Variants in ASB16 observed in about 807,000 individuals in gnomAD.
ASB16 encodes the protein ankyrin repeat and SOCS box containing 16, also known as ankyrin repeat and SOCS box protein 16.
ASB16 carries 44 observed loss-of-function variants against 39.1 expected under a neutral mutation model. The observed-to-expected ratio is 1.13, with a 90% CI of 0.88 to 1.45. ASB16 has a LOEUF of 1.45. ASB16 is among the 40% of genes most tolerant of loss of function. The pLI is 0.00. For missense variants in ASB16, 698 were observed against 634.5 expected (o/e 1.10, Z -1.07); for synonymous variants, 305 against 286.7 (o/e 1.06, Z -0.64).
chr17:44,172,011 A>T (rs751499509), intron 1 of ASB16, 35 bp from the exon 2 acceptor site: 12 of 1,594,864 alleles, frequency 7.5e-6, no homozygotes, highest in Non-Finnish European at 1.0e-5. Context: ...GCCCTGTCTT[A>T]TACACCACCT....
chr17:44,177,960 C>A, intron 4 of ASB16: 1 of 681,358 alleles, frequency 1.5e-6, no homozygotes, highest in African/African-American at 1.8e-5. Flanking sequence ...CATCTCTTAA[C>A]TTGGTGGGCA....
chr17:44,173,920 G>A (rs1014319748), intron 2 of ASB16, among the ~76,000 whole-genome samples: 5 of 152,086 alleles, frequency 3.3e-5, no homozygotes, highest in African/African-American at 1.2e-4. Context: ...GCCCAGGCTG[G>A]AGTGCAGTGG....
Position 44,178,102 on chromosome 17 carries a change from C to G in ASB16, c.1177-103C>G, listed in dbSNP as rs2054326654. The G allele has an allele frequency of 3.3e-6, 4 of 1,225,910 alleles. No individual in the cohort carries two copies. In the South Asian group the frequency reaches 5.2e-5, roughly 16 times the overall value. 75.9% of individuals were successfully genotyped at this position (1,225,910 alleles called of 1,614,324 possible). The stretch of plus-strand genomic sequence containing the variant: ...TCTGAGTCCTTTGAGACACATGAAA[C>G]ACCCAGGTGGGTGCATGCTGCAAAA... On this transcript the variant is annotated intron_variant, in intron 4 of 4. Coordinates refer to ENST00000293414, the MANE Select transcript of ASB16 (RefSeq NM_080863.5).
intron 1 of ASB16, 51 bp downstream of exon 1, chr17:44,171,141 G>C (rs1248464322): frequency 1.3e-6 from 2 of 1,554,880 alleles, no homozygotes; most frequent in African/African-American, 2.7e-5. Context: ...AAGGGGAGTG[G>C]GTGGGGAAGG....
chr17:44,176,542 A>C, intron 2 of ASB16, 196 bp from the exon 3 acceptor site: 1 of 802,874 alleles, frequency 1.2e-6, no homozygotes, highest in Non-Finnish European at 2.1e-6. Flanking sequence ...TTTTCATATG[A>C]AAACTGAAGA....
intron 2 of ASB16, among the ~76,000 whole-genome samples, chr17:44,174,165 G>C (rs992732989): frequency 1.3e-5 from 2 of 149,542 alleles, no homozygotes; most frequent in Non-Finnish European, 3.0e-5. Context: ...TGAGCCTCCC[G>C]AGTAACTGGG....
intron 4 of ASB16, 81 bp downstream of exon 4, chr17:44,177,803 C>T (rs932920287): frequency 7.1e-6 from 11 of 1,550,914 alleles, no homozygotes; most frequent in Middle Eastern, 1.7e-4. Flanking sequence ...ATGGAGGGAG[C>T]AGCAGGAGGG....
Position 44,172,115 on chromosome 17 carries a change from C to T in ASB16, c.371C>T (p.Thr124Ile). 3 of 1,611,722 alleles carry T rather than the reference C, an allele frequency of 1.9e-6. No homozygotes were observed. The highest frequency in any genetic ancestry group is 2.5e-6 in the Non-Finnish European group (3 of 1,180,004). Residue 124 changes from threonine (T) to isoleucine (I), a missense_variant, in exon 2 of 5, where the codon ACA becomes ATA. Transcript: ENST00000293414. ...GCCATCGCTACAGCCCGAGGCTACACAGACTGTGCTCGACACCTGATCCGG... is the reference window on the plus strand; with the variant it reads ...GCCATCGCTACAGCCCGAGGCTACATAGACTGTGCTCGACACCTGATCCGG... ...PLAIATARGY[T>I]DCARHLIRQG...
In ASB16 at chr17:44,178,560, C is replaced by A; in HGVS notation, c.*170C>A. 1.4e-6 allele frequency: 1 copy of A among 710,040 alleles called. No homozygotes were observed. The highest frequency in any genetic ancestry group is 2.3e-6 in the Non-Finnish European group (1 of 440,134). 44.0% of individuals were successfully genotyped at this position (710,040 alleles called of 1,614,324 possible). On this transcript the variant is annotated 3_prime_UTR_variant, in exon 5 of 5. Coordinates refer to ENST00000293414, the MANE Select transcript of ASB16 (RefSeq NM_080863.5). ...CTATCTCGGCTCACTGCAACTTCTA[C>A]CACCTAGGTTCAAGCGATTCTTGTG...
chr17:44,176,655 G>C (rs1310793905), intron 2 of ASB16, 83 bp from the exon 3 acceptor site: 2 of 1,604,086 alleles, frequency 1.2e-6, no homozygotes, highest in Non-Finnish European at 1.7e-6. Context: ...GAGAGGGGTG[G>C]AAAGGCAAGG....
intron 2 of ASB16, among the ~76,000 whole-genome samples, chr17:44,173,083 T>TAAA (rs770273961): frequency 2.8e-4 from 22 of 77,584 alleles, no homozygotes; most frequent in African/African-American, 7.8e-4. Context: ...GAGACTGTCT[T>TAAA]AAAAAAAAAA....
In ASB16 at chr17:44,177,017, G is replaced by C. The variant is rs569033296; in HGVS notation, c.849G>C (p.Lys283Asn). 6.7e-7 allele frequency: 1 copy of C among 1,490,722 alleles called. No homozygotes were observed. Among genetic ancestry groups the C allele is most frequent in the Non-Finnish European group, 8.8e-7 (1 of 1,132,880 alleles). The allele number at this position is 1,490,722 out of a possible 1,614,324, so 92.3% of individuals were successfully genotyped here. ...AGADARAAGRKRHTPLHNACA... is the reference protein window; with the variant it reads ...AGADARAAGRNRHTPLHNACA... ...CTGATGCCCGGGCGGCCGGGCGCAA[G>C]CGCCACACGCCGCTGCACAACGCTT... Residue 283 changes from lysine (K) to asparagine (N), a missense_variant, in exon 3 of 5, where the codon AAG becomes AAC. Transcript: ENST00000293414.
Position 44,171,039 on chromosome 17 carries a change from A to T in ASB16, c.250A>T (p.Asn84Tyr). Residue 84 changes from asparagine to tyrosine, a missense_variant, in exon 1 of 5, where the codon AAC becomes TAC. By Grantham distance (143) the Asn-to-Tyr change is moderately radical (BLOSUM62 -2). Transcript: ENST00000293414. ...CCTGTTCCAAGATGAAGAGGCCGCCAACATGATTGTGGAGACTGTGAGCAA... is the reference window on the plus strand; with the variant it reads ...CCTGTTCCAAGATGAAGAGGCCGCCTACATGATTGTGGAGACTGTGAGCAA... Reference protein sequence around the residue: ...QALFQDEEAANMIVETVSNQL... With the variant: ...QALFQDEEAAYMIVETVSNQL... 1.2e-6 allele frequency: 2 copies of T among 1,614,066 alleles called. No homozygotes were observed. Among genetic ancestry groups the T allele is most frequent in the Non-Finnish European group, 1.7e-6 (2 of 1,180,016 alleles).
rs200273394 is a variant in ASB16, at chr17:44,170,750, T to C, written c.-40T>C. ...GGTAGTCGGGTCGAGGGAACCTGGCTCTGCCCAGGTGCCACTGCCCAAACC... is the reference window on the plus strand; with the variant it reads ...GGTAGTCGGGTCGAGGGAACCTGGCCCTGCCCAGGTGCCACTGCCCAAACC... On this transcript the variant is annotated 5_prime_UTR_variant, in exon 1 of 5. Coordinates refer to ENST00000293414, the MANE Select transcript of ASB16 (RefSeq NM_080863.5). 8.3e-5 allele frequency: 127 copies of C among 1,537,370 alleles called. No homozygotes were observed. Among genetic ancestry groups the C allele is most frequent in the Non-Finnish European group, 1.1e-4 (122 of 1,141,876 alleles).
In ASB16 at chr17:44,172,065, C is replaced by A. The variant is rs771519704; in HGVS notation, c.321C>A (p.Pro107=). 2.0e-5 allele frequency: 32 copies of A among 1,612,218 alleles called. No homozygotes were observed. The highest frequency in any genetic ancestry group is 2.5e-5 in the Non-Finnish European group (30 of 1,179,912). ...CCCTAGGGTTCTGGGTGCTGACCCC[C>A]AAGACCAAGCAGACGGCACCCCTCG... ...SAEQGFWVLT[P]KTKQTAPLAI... The change falls in exon 2 of 5, where the codon CCC becomes CCA. Residue 107 remains proline (P), a synonymous_variant. Transcript: ENST00000293414.
chr17:44,176,705 ATT>A (rs775181279), intron 2 of ASB16, 31 bp from the exon 3 acceptor site: 32 of 1,613,616 alleles, frequency 2.0e-5, no homozygotes, highest in Middle Eastern at 1.6e-4. Context: ...AGCCTTCAGG[ATT>A]TTCCTCAGGA....
chr17:44,174,005 G>A (rs1424976456), intron 2 of ASB16, among the ~76,000 whole-genome samples: 1 of 151,624 alleles, frequency 6.6e-6, no homozygotes, highest in Non-Finnish European at 1.5e-5. Flanking sequence ...CAGGGTAGCC[G>A]GAATCACAGG....
chr17:44,177,369 G>A, intron 3 of ASB16, 139 bp downstream of exon 3: 3 of 1,274,954 alleles, frequency 2.4e-6, no homozygotes, highest in Non-Finnish European at 3.2e-6. Flanking sequence ...CCCAGCTTGG[G>A]AGGGGGAGAG....
At chr17:44,171,561 T>A (rs1427054282) in intron 1 of ASB16, among the ~76,000 whole-genome samples, 21 of 97,676 alleles carry the variant, frequency 2.1e-4, no homozygotes, top group African/African-American at 6.1e-4. Context: ...AGACCCTGCC[T>A]AAAAAAAAAA....
Sources: gnomAD v4.1 joint callset for allele counts (sites outside exome capture counted in the v4.1 genomes callset) on GRCh38, gnomAD v4.1.1 for gene constraint, MANE v1.5 for transcripts, NCBI Gene and HGNC (gene_info 2026-07-23, HGNC 2026-07-21) for gene names.